PRDM5: variants seen among roughly 807,000 people sequenced by gnomAD.
PRDM5 encodes PR/SET domain 5.
Under a neutral mutation model 81.2 loss-of-function variants are expected in PRDM5, and 56 were observed. That is an observed-to-expected ratio of 0.69 (90% CI 0.56 to 0.86). The LOEUF is 0.86. PRDM5 is among the 40% of genes least tolerant of loss of function. The probability of loss-of-function intolerance (pLI) is 0.00; values close to 1 mark genes in which losing one functional copy is unlikely to be tolerated. For missense variants in PRDM5, 697 were observed against 770.1 expected, an observed-to-expected ratio of 0.91 and a Z score of 1.12; for synonymous variants, 267 against 256.4, an observed-to-expected ratio of 1.04 and a Z score of -0.39.
chr4:120,822,957 A>G (rs1755480994), intron 3 of PRDM5, among the ~76,000 whole-genome samples: 1 of 152,194 alleles, frequency 6.6e-6, no homozygotes, highest in South Asian at 2.1e-4. Flanking sequence ...TAACTTATAT[A>G]CTATTGGTAT....
intron 10 of PRDM5, among the ~76,000 whole-genome samples, chr4:120,790,560 A>G (rs1027599307): frequency 1.3e-5 from 2 of 152,214 alleles, no homozygotes; most frequent in Non-Finnish European, 2.9e-5. Flanking sequence ...TTTATGTACC[A>G]TCTATACAGA....
intron 2 of PRDM5, among the ~76,000 whole-genome samples, chr4:120,905,428 T>C (rs1205285782): frequency 2.0e-5 from 3 of 152,214 alleles, no homozygotes; most frequent in Non-Finnish European, 4.4e-5. Flanking sequence ...AATCAAATAC[T>C]GATATAGGAG....
In PRDM5 at chr4:120,840,985, A is replaced by T. The variant is rs567190525; in HGVS notation, c.300+12433T>A. ...GCAGCCAGGTATGGGTCTACGGCAC[A>T]GGGGTTGGGGACCCCAGTGAAAAAG... On this transcript the variant is annotated intron_variant, in intron 3 of 15. Transcript: ENST00000264808. 2.0e-5 allele frequency among the ~76,000 whole-genome samples: 3 copies of T among 152,300 alleles called. No homozygotes were observed. In the South Asian group the frequency reaches 6.2e-4, roughly 32 times the overall value.
rs1734365800 is a variant in PRDM5 at position 120,695,116 on chromosome 4, T to C, written c.1888A>G (p.Ser630Gly). The change falls in exon 16 of 16, where the codon AGC becomes GGC. Residue 630 changes from serine to glycine, a missense_variant. Ser to Gly is a moderately conservative substitution (Grantham distance 56, BLOSUM62 0). Around this residue, in one of 3 missense-constraint regions of PRDM5, gnomAD observed 34 missense variants for 28.1 expected, o/e 1.21. Transcript: ENST00000264808. ...HMDNIHGVAD[S>G] The stretch of plus-strand genomic sequence containing the variant: ...TAATTCCTTTACAGCCCCTATTAGC[T>C]GTCAGCTACACCATGGATATTGTCC... 6.2e-7 allele frequency: 1 copy of C among 1,612,748 alleles called. No individual in the cohort carries two copies. The highest frequency in any genetic ancestry group is 8.5e-7 in the Non-Finnish European group (1 of 1,178,870).
chr4:120,731,526 T>A (rs1740262388), intron 14 of PRDM5: 1 of 151,974 alleles, frequency 6.6e-6, no homozygotes. Flanking sequence ...AAATCTGCTT[T>A]ATATTTATTC....
At chr4:120,816,260 C>T in intron 7 of PRDM5, 193 bp downstream of exon 7, 3 of 873,020 alleles carry the variant, frequency 3.4e-6, no homozygotes, top group Non-Finnish European at 5.4e-6. Context: ...GGAAAAAGAA[C>T]AAATGCTGCT....
At position 120,818,547 on chromosome 4, in the gene PRDM5, C is replaced by A; in HGVS notation, c.476-20G>T. 6.2e-7 allele frequency: 1 copy of A among 1,605,226 alleles called. No individual in the cohort carries two copies. The highest frequency in any genetic ancestry group is 8.5e-7 in the Non-Finnish European group (1 of 1,172,046). On this transcript the variant is annotated intron_variant, in intron 4 of 15. Transcript: ENST00000264808. ...GGCGATCTGCACATTCACAAGGAAA[C>A]ATATTCATGAGACAAAAATTCAGAG...
At chr4:120,792,201 T>C (rs988679632) in intron 10 of PRDM5, among the ~76,000 whole-genome samples, 3 of 152,218 alleles carry the variant, frequency 2.0e-5, no homozygotes, top group African/African-American at 4.8e-5. Context: ...GTTAGGATCA[T>C]TGGCCTTCAT....
chr4:120,903,118 G>C (rs890944708), intron 2 of PRDM5, among the ~76,000 whole-genome samples: 1 of 152,166 alleles, frequency 6.6e-6, no homozygotes, highest in Non-Finnish European at 1.5e-5. Context: ...ACTACCACCA[G>C]GTTCTGGTTC....
At chr4:120,921,498 T>G (rs895570591) in intron 1 of PRDM5, among the ~76,000 whole-genome samples, 1 of 152,160 alleles carries the variant, frequency 6.6e-6, no homozygotes, top group African/African-American at 2.4e-5. Flanking sequence ...TCACCAGCTC[T>G]TTAGGTCAGA....
intron 3 of PRDM5, among the ~76,000 whole-genome samples, chr4:120,850,796 C>T (rs541863583): frequency 1.1e-3 from 164 of 152,038 alleles, no homozygotes; most frequent in Admixed American, 2.5e-3. Flanking sequence ...TATTTTCTTT[C>T]AAGGAAAAAA....
intron 3 of PRDM5, among the ~76,000 whole-genome samples, chr4:120,826,938 A>G (rs1268967039): frequency 6.6e-6 from 1 of 152,150 alleles, no homozygotes; most frequent in Non-Finnish European, 1.5e-5. Context: ...GAAACAAAAC[A>G]CTAACTGTGA....
At chr4:120,705,447 G>T (rs1194136421) in intron 15 of PRDM5, among the ~76,000 whole-genome samples, 1 of 152,172 alleles carries the variant, frequency 6.6e-6, no homozygotes, top group East Asian at 1.9e-4. Context: ...ACATGAGCAG[G>T]CCATGAAGGA....
At chr4:120,689,372 T>C (rs1733952366), downstream of PRDM5, among the ~76,000 whole-genome samples, 1 of 152,102 alleles carries the variant, frequency 6.6e-6, no homozygotes, top group African/African-American at 2.4e-5. Context: ...AAGGAAAGAA[T>C]GAAAGTGATA....
intron 7 of PRDM5, chr4:120,813,052 C>T (rs1056270997): frequency 6.5e-6 from 1 of 154,852 alleles, no homozygotes; most frequent in African/African-American, 2.4e-5. Flanking sequence ...ATATGCTTAT[C>T]AAGTTAACAT....
At position 120,922,669 on chromosome 4, in the gene PRDM5, C is replaced by T; in HGVS notation, c.-61G>A. The T allele has an allele frequency of 6.4e-7, 1 of 1,560,370 alleles. No individual in the cohort carries two copies. The highest frequency in any genetic ancestry group is 1.9e-5 in the Admixed American group (1 of 52,256). Reference sequence around the variant, plus strand: ...CCGGCGCTTAGCGCCCGGCAGGCGGCACATCGAAATTTGGGGTGCCAGGGT... The same window carrying T: ...CCGGCGCTTAGCGCCCGGCAGGCGGTACATCGAAATTTGGGGTGCCAGGGT... On this transcript the variant is annotated 5_prime_UTR_variant, in exon 1 of 16. Coordinates refer to ENST00000264808, the MANE Select transcript of PRDM5 (RefSeq NM_018699.4).
chr4:120,803,931 C>G (rs1030878651), intron 8 of PRDM5, among the ~76,000 whole-genome samples: 1 of 152,030 alleles, frequency 6.6e-6, no homozygotes. Flanking sequence ...GAGTCAACAC[C>G]CATCAGTGTG....
chr4:120,784,978 C>A lies in PRDM5; in HGVS notation c.1282+20G>T, dbSNP rs746914932. The A allele has an allele frequency of 3.2e-5, 49 of 1,544,380 alleles. No homozygotes were observed. In the Admixed American group the frequency reaches 3.3e-4, roughly 11 times the overall value. Reference sequence around the variant, plus strand: ...ATGAGATAATTCCTTATATTCTCAACTGCCTGAATCGTGACTTACTGTTAT... The same window carrying A: ...ATGAGATAATTCCTTATATTCTCAAATGCCTGAATCGTGACTTACTGTTAT... On this transcript the variant is annotated intron_variant, in intron 11 of 15. Coordinates refer to ENST00000264808, the MANE Select transcript of PRDM5 (RefSeq NM_018699.4).
rs142028133 is a variant in PRDM5 at position 120,741,495 on chromosome 4, C to T, written c.1623+13058G>A. 8.2e-3 allele frequency among the ~76,000 whole-genome samples: 1,244 copies of T among 151,704 alleles called. 9 individuals are homozygous for T. Among genetic ancestry groups the T allele is most frequent in the African/African-American group, 0.028 (1,144 of 41,352 alleles). Reference sequence around the variant, plus strand: ...GAACCACGCAGAAGACGGGTGATTACTGCATTTCCATCTGAGGTACCGGGT... The same window carrying T: ...GAACCACGCAGAAGACGGGTGATTATTGCATTTCCATCTGAGGTACCGGGT... On this transcript the variant is annotated intron_variant, in intron 14 of 15. Coordinates refer to ENST00000264808, the MANE Select transcript of PRDM5 (RefSeq NM_018699.4).
Sources: allele counts gnomAD v4.1 joint callset (sites outside exome capture counted in the v4.1 genomes callset), GRCh38; gene constraint gnomAD v4.1.1; regional missense constraint gnomAD v4.1.1; transcripts MANE v1.5; gene names NCBI Gene and HGNC (gene_info 2026-07-23, HGNC 2026-07-21).